TMEFF2: variants seen among roughly 807,000 people sequenced by gnomAD.
TMEFF2 encodes transmembrane protein with EGF like and two follistatin like domains 2.
Under a neutral mutation model 53.8 loss-of-function variants are expected in TMEFF2, and 28 were observed. The observed-to-expected ratio is 0.52, with a 90% confidence interval of 0.39 to 0.71. TMEFF2 has a LOEUF of 0.71. Among genes scored for constraint, TMEFF2 ranks in the 30% least tolerant of loss-of-function variants. The pLI is 0.00. For missense variants in TMEFF2, 353 were observed against 455.2 expected (o/e 0.78, Z 2.04); for synonymous variants, 162 against 166.3 (o/e 0.97, Z 0.20).
intron 5 of TMEFF2, among the ~76,000 whole-genome samples, chr2:192,053,565 T>G (rs186777436): frequency 6.6e-6 from 1 of 152,342 alleles, no homozygotes; most frequent in Admixed American, 6.5e-5. Flanking sequence ...TAATGCAGGA[T>G]TGAGGAAATC....
chr2:192,015,422 G>C (rs1006731917), intron 5 of TMEFF2, among the ~76,000 whole-genome samples: 2 of 144,286 alleles, frequency 1.4e-5, no homozygotes, highest in Non-Finnish European at 3.0e-5. Context: ...CGATATGTGT[G>C]CCCCTTTAAA....
intron 4 of TMEFF2, among the ~76,000 whole-genome samples, chr2:192,147,715 A>C (rs1372113095): frequency 4.0e-5 from 6 of 151,798 alleles, no homozygotes; most frequent in African/African-American, 1.5e-4. Context: ...ACTATAATCA[A>C]CCCCAAACAT....
intron 4 of TMEFF2, among the ~76,000 whole-genome samples, chr2:192,151,288 C>T (rs889487204): frequency 2.6e-5 from 4 of 151,872 alleles, no homozygotes; most frequent in Non-Finnish European, 5.9e-5. Context: ...CAAACTAATA[C>T]ACTTGGTTAA....
intron 4 of TMEFF2, among the ~76,000 whole-genome samples, chr2:192,145,466 G>A (rs1038476487): frequency 2.0e-5 from 3 of 151,754 alleles, no homozygotes; most frequent in Non-Finnish European, 4.4e-5. Context: ...CTTGGCAGTA[G>A]CAAGGAATTA....
intron 4 of TMEFF2, among the ~76,000 whole-genome samples, chr2:192,136,238 G>A (rs1355679712): frequency 6.6e-6 from 1 of 151,954 alleles, no homozygotes; most frequent in African/African-American, 2.4e-5. Flanking sequence ...CAATTAAATG[G>A]TTCCCTGAAT....
At chr2:191,956,804 G>A (rs547110192) in intron 7 of TMEFF2, among the ~76,000 whole-genome samples, 2 of 152,298 alleles carry the variant, frequency 1.3e-5, no homozygotes, top group Non-Finnish European at 2.9e-5. Flanking sequence ...AAGCTTAAAA[G>A]TTAAAATATG....
At chr2:192,188,851 C>G (rs1691385746) in intron 2 of TMEFF2, among the ~76,000 whole-genome samples, 1 of 150,574 alleles carries the variant, frequency 6.6e-6, no homozygotes, top group Non-Finnish European at 1.5e-5. Flanking sequence ...ATCTATCTAT[C>G]TATCTATCTA....
At chr2:192,046,736 G>A (rs1687631679) in intron 5 of TMEFF2, among the ~76,000 whole-genome samples, 1 of 152,080 alleles carries the variant, frequency 6.6e-6, no homozygotes, top group Non-Finnish European at 1.5e-5. Context: ...AAGCAGTTCT[G>A]TTGTGTTTTC....
intron 5 of TMEFF2, among the ~76,000 whole-genome samples, chr2:192,011,364 G>A (rs1288063733): frequency 3.9e-5 from 6 of 152,316 alleles, no homozygotes; most frequent in Middle Eastern, 3.4e-3. Flanking sequence ...CTAGGGGTCA[G>A]GGAAGGCAGA....
At chr2:192,092,294 G>T (rs1259445370) in intron 4 of TMEFF2, among the ~76,000 whole-genome samples, 1 of 151,878 alleles carries the variant, frequency 6.6e-6, no homozygotes, top group East Asian at 1.9e-4. Flanking sequence ...TATGTGAAGG[G>T]TTTTCTATAT....
intron 7 of TMEFF2, among the ~76,000 whole-genome samples, chr2:191,988,881 A>G (rs1247355677): frequency 2.0e-5 from 3 of 152,204 alleles, no homozygotes; most frequent in African/African-American, 7.2e-5. Context: ...TAATGCATCA[A>G]TAACTCTGCA....
chr2:192,093,535 A>C (rs934144855), intron 4 of TMEFF2, among the ~76,000 whole-genome samples: 1 of 152,152 alleles, frequency 6.6e-6, no homozygotes, highest in African/African-American at 2.4e-5. Context: ...ATAGTACAAG[A>C]AACATTTGGA....
chr2:192,097,171 C>T (rs80314064), intron 4 of TMEFF2, among the ~76,000 whole-genome samples: 3 of 152,280 alleles, frequency 2.0e-5, no homozygotes, highest in East Asian at 1.9e-4. Flanking sequence ...AAAAATTAAG[C>T]GTGCACTTCT....
intron 4 of TMEFF2, among the ~76,000 whole-genome samples, chr2:192,113,780 AGT>A (rs2105958152): frequency 6.6e-6 from 1 of 152,284 alleles, no homozygotes; most frequent in South Asian, 2.1e-4. Context: ...AGTAGCTAAC[AGT>A]TGCTGGGTAC....
chr2:191,970,466 G>T (rs1292122094), intron 7 of TMEFF2, among the ~76,000 whole-genome samples: 3 of 151,828 alleles, frequency 2.0e-5, no homozygotes, highest in Non-Finnish European at 2.9e-5. Flanking sequence ...CAAGCAGAAG[G>T]TCATATGAAA....
At chr2:191,964,333 C>CTTCTTTCTTTCT (rs368928481) in intron 7 of TMEFF2, among the ~76,000 whole-genome samples, 109 of 71,438 alleles carry the variant, frequency 1.5e-3, no homozygotes, top group African/African-American at 2.4e-3. Context: ...CCTTTCTTTC[C>CTTCTTTCTTTCT]TTCTTTCTTT....
Position 192,051,599 on chromosome 2 carries a change from A to C in TMEFF2, c.536+6080T>G, listed in dbSNP as rs147130126. ...CAAACTCACAAACCAAAGGTACTAA[A>C]GTCAGCAAGACCTAATGTCTAATTT... On this transcript the variant is annotated intron_variant, in intron 5 of 9. Coordinates refer to ENST00000272771, the MANE Select transcript of TMEFF2 (RefSeq NM_016192.4). Among the ~76,000 whole-genome samples, 358 of 152,334 alleles carry C rather than the reference A, an allele frequency of 2.4e-3. 3 individuals are homozygous for C. The highest frequency in any genetic ancestry group is 8.2e-3 in the African/African-American group (342 of 41,582).
intron 4 of TMEFF2, among the ~76,000 whole-genome samples, chr2:192,117,823 T>C (rs567452968): frequency 2.0e-5 from 3 of 152,018 alleles, no homozygotes; most frequent in South Asian, 4.2e-4. Flanking sequence ...TTCATTTACA[T>C]AGGGTGTACA....
At chr2:191,952,400 GT>G (rs1559057260) in intron 9 of TMEFF2, among the ~76,000 whole-genome samples, 1 of 152,142 alleles carries the variant, frequency 6.6e-6, no homozygotes, top group Admixed American at 6.5e-5. Flanking sequence ...TTAAATATAG[GT>G]TTTGTTTTTC....
Sources: gnomAD v4.1 joint callset for allele counts (sites outside exome capture counted in the v4.1 genomes callset) on GRCh38, gnomAD v4.1.1 for gene constraint, MANE v1.5 for transcripts, NCBI Gene and HGNC (gene_info 2026-07-23, HGNC 2026-07-21) for gene names.